Variants in C2CD2 observed in about 807,000 individuals in gnomAD.
C2CD2 encodes C2 domain-containing protein 2.
C2CD2 carries 43 observed loss-of-function variants against 74.3 expected under a neutral mutation model. The ratio of observed to expected loss-of-function variants is 0.58; its 90% CI spans 0.45 to 0.75. The LOEUF is 0.75. Among genes scored for constraint, C2CD2 ranks in the 30% least tolerant of loss-of-function variants. The pLI, the probability that C2CD2 is intolerant of heterozygous loss-of-function variation, is 0.00. For missense variants in C2CD2, 801 were observed against 916.3 expected (o/e 0.87, Z 1.63); for synonymous variants, 422 against 390.7 (o/e 1.08, Z -0.94).
chr21:41,918,860 C>G lies in C2CD2; in HGVS notation c.593G>C (p.Gly198Ala), dbSNP rs765482346. ...CATAAAAACTTACGGACTGACCTCC[C>G]CCAGTGCTTTGGGCTGGATATTAAC... ...MAVNIQPKAL[G>A]EDQVAETSAM... is the part of the protein sequence containing the mutation. Residue 198 changes from glycine (G) to alanine (A), a missense_variant, in exon 4 of 14, where the codon GGG becomes GCG. Transcript: ENST00000380486. 1.2e-6 allele frequency: 2 copies of G among 1,612,680 alleles called. No homozygotes were observed. The highest frequency in any genetic ancestry group is 2.2e-5 in the South Asian group (2 of 91,048).
At chr21:41,947,004 A>T (rs1414667352) in intron 1 of C2CD2, among the ~76,000 whole-genome samples, 1 of 152,158 alleles carries the variant, frequency 6.6e-6, no homozygotes, top group Non-Finnish European at 1.5e-5. Context: ...CTAGAACAAT[A>T]CAAGGAGACA....
chr21:41,914,369 A>G (rs1259313733), intron 6 of C2CD2, among the ~76,000 whole-genome samples: 4 of 151,976 alleles, frequency 2.6e-5, no homozygotes, highest in Non-Finnish European at 4.4e-5. Context: ...GGCCAAACCA[A>G]TTATACTCCT....
chr21:41,920,012 G>A (rs967066492), intron 3 of C2CD2, among the ~76,000 whole-genome samples: 39 of 152,218 alleles, frequency 2.6e-4, no homozygotes, highest in Non-Finnish European at 4.4e-5. Flanking sequence ...GGGTGTGGAC[G>A]TGGAGGAAGG....
chr21:41,924,941 A>G lies in C2CD2; in HGVS notation c.379-2856T>C, dbSNP rs2065193427. On this transcript the variant is annotated intron_variant, in intron 2 of 13. Transcript: ENST00000380486. This position sits in a 1 kb window ranked among gnomAD's most constrained non-coding sequence, Gnocchi z 4.4. ...TAAAAGCAAGCAAATAAATAAGTAA[A>G]TAGATAAAAAGACTTTAAAACTTCT... Among the ~76,000 whole-genome samples the G allele has an allele frequency of 1.3e-5, 2 of 152,186 alleles. No homozygotes were observed. The highest frequency in any genetic ancestry group is 1.3e-4 in the Admixed American group (2 of 15,274).
chr21:41,933,950 C>CGT (rs2065285022), intron 2 of C2CD2, among the ~76,000 whole-genome samples: 1 of 151,988 alleles, frequency 6.6e-6, no homozygotes, highest in Non-Finnish European at 1.5e-5. Flanking sequence ...AACAAGAGTC[C>CGT]GTGTGTGTGT....
intron 3 of C2CD2, among the ~76,000 whole-genome samples, chr21:41,921,544 G>A (rs565671357): frequency 6.6e-6 from 1 of 152,298 alleles, no homozygotes; most frequent in Admixed American, 6.5e-5. Flanking sequence ...TAATAAGGGG[G>A]TTCTTTTTAA....
chr21:41,910,387 T>C (rs750861692), intron 7 of C2CD2, among the ~76,000 whole-genome samples: 10 of 152,186 alleles, frequency 6.6e-5, no homozygotes, highest in African/African-American at 1.7e-4. Flanking sequence ...AAAACTCTAA[T>C]TGCCTGTCAA....
Position 41,918,207 on chromosome 21 carries a change from A to G in C2CD2, c.618T>C (p.Ser206=). The G allele has an allele frequency of 6.2e-7, 1 of 1,614,122 alleles. No homozygotes were observed. The highest frequency in any genetic ancestry group is 1.1e-5 in the South Asian group (1 of 91,084). ...ALGEDQVAET[S]AMSDVLKDIL... The stretch of plus-strand genomic sequence containing the variant: ...TGTCCTTGAGAACGTCAGACATCGC[A>G]CTTGTCTCAGCCACCTGGTCCTGGT... The change falls in exon 5 of 14, where the codon AGT becomes AGC. Residue 206 remains serine, a synonymous_variant. Coordinates refer to ENST00000380486, the MANE Select transcript of C2CD2 (RefSeq NM_015500.2).
intron 13 of C2CD2, among the ~76,000 whole-genome samples, chr21:41,896,098 G>A (rs575146586): frequency 4.6e-5 from 7 of 152,198 alleles, no homozygotes; most frequent in African/African-American, 7.2e-5. Context: ...GGGTAAAGGC[G>A]GAGTTGGGAG....
chr21:41,889,175 C>T lies in C2CD2; in HGVS notation c.2040G>A (p.Arg680=). The T allele has an allele frequency of 6.2e-7, 1 of 1,612,836 alleles. No homozygotes were observed. Among genetic ancestry groups the T allele is most frequent in the African/African-American group, 1.3e-5 (1 of 74,982 alleles). The change falls in exon 14 of 14, where the codon AGG becomes AGA. Residue 680 remains arginine (R), a synonymous_variant. Coordinates refer to ENST00000380486, the MANE Select transcript of C2CD2 (RefSeq NM_015500.2). ...CGTTCATGGTGTTCTTGTTTCTGTG[C>T]CTGGAGAGCAGCTTCTTGTTCAGGA... is the stretch of plus-strand genomic sequence containing the variant. ...TRILNKKLLS[R]HRNKNTMNGA... is the part of the protein sequence containing the mutation.
In C2CD2 at chr21:41,905,964, G is replaced by A. The variant is rs150950254; in HGVS notation, c.1319-127C>T. On this transcript the variant is annotated intron_variant, in intron 10 of 13. Coordinates refer to ENST00000380486, the MANE Select transcript of C2CD2 (RefSeq NM_015500.2). ...GCAGTTGGTAAAGGCAAAGCTTAACGAAAGCTGTTTTGAGGGGAGGAGGGG... is the reference window on the plus strand; with the variant it reads ...GCAGTTGGTAAAGGCAAAGCTTAACAAAAGCTGTTTTGAGGGGAGGAGGGG... 1,233 of 696,128 alleles carry A rather than the reference G, an allele frequency of 1.8e-3. 12 individuals are homozygous for A. In the African/African-American group the frequency reaches 0.02, roughly 11 times the overall value. 43.1% of individuals were successfully genotyped at this position (696,128 alleles called of 1,614,324 possible).
Position 41,905,846 on chromosome 21 carries a change from G to A in C2CD2, c.1319-9C>T, listed in dbSNP as rs370966324. The A allele has an allele frequency of 2.2e-5, 32 of 1,470,594 alleles. No individual in the cohort carries two copies. Among genetic ancestry groups the A allele is most frequent in the Non-Finnish European group, 2.9e-5 (30 of 1,049,068 alleles). The allele number at this position is 1,470,594 out of a possible 1,614,324, so 91.1% of individuals were successfully genotyped here. On this transcript the variant is annotated splice_polypyrimidine_tract_variant and intron_variant, in intron 10 of 13. Transcript: ENST00000380486. ...AGTCTTCACCGGAGAATCTGCCAGAGGAAGATCCTGATTACAAAAGCGGCC... is the reference window on the plus strand; with the variant it reads ...AGTCTTCACCGGAGAATCTGCCAGAAGAAGATCCTGATTACAAAAGCGGCC...
chr21:41,901,464 A>G (rs2064895689), intron 12 of C2CD2, 158 bp downstream of exon 12: 1 of 766,330 alleles, frequency 1.3e-6, no homozygotes, highest in African/African-American at 1.7e-5. Flanking sequence ...AACACCACAC[A>G]TGACTCCTTT....
chr21:41,905,883 T>G, intron 10 of C2CD2, 46 bp from the exon 11 acceptor site: 1 of 1,032,716 alleles, frequency 9.7e-7, no homozygotes, highest in Non-Finnish European at 1.5e-6. Context: ...CGTGGCTGAC[T>G]GGATCAACAG....
rs1367842578 is a variant in C2CD2 at position 41,885,643 on chromosome 21, C to T, written c.*3481G>A. On this transcript the variant is annotated 3_prime_UTR_variant, in exon 14 of 14. Transcript: ENST00000380486. ...TTTCCGTCAGACAGAGATACGTGTCCTGCCTTCCACCATCCACCAATTTGT... is the reference window on the plus strand; with the variant it reads ...TTTCCGTCAGACAGAGATACGTGTCTTGCCTTCCACCATCCACCAATTTGT... The T allele has an allele frequency of 6.6e-6, 1 of 152,566 alleles. No individual in the cohort carries two copies. Among genetic ancestry groups the T allele is most frequent in the Non-Finnish European group, 1.5e-5 (1 of 68,028 alleles). 9.5% of individuals were successfully genotyped at this position (152,566 alleles called of 1,614,324 possible). A position where few individuals can be genotyped will look rare whatever the true frequency, so the allele number is the denominator to read the frequency against.
chr21:41,901,906 GCAA>G (rs2064903617), intron 11 of C2CD2, among the ~76,000 whole-genome samples, 157 bp from the exon 12 acceptor site: 1 of 152,218 alleles, frequency 6.6e-6, no homozygotes, highest in Admixed American at 6.5e-5. Flanking sequence ...GGTGGTCTCT[GCAA>G]CAACTTCTCA....
chr21:41,935,317 G>A (rs1601597253), intron 2 of C2CD2, among the ~76,000 whole-genome samples: 1 of 152,230 alleles, frequency 6.6e-6, no homozygotes, highest in East Asian at 1.9e-4. Context: ...GACTGGCAAT[G>A]CACACCAACA....
chr21:41,928,247 C>T (rs1053172423), intron 2 of C2CD2, among the ~76,000 whole-genome samples: 2 of 152,170 alleles, frequency 1.3e-5, no homozygotes, highest in Non-Finnish European at 2.9e-5. Context: ...GACGAAACCT[C>T]GGGGCCACCA....
chr21:41,901,254 C>T (rs950921563), intron 12 of C2CD2: 4 of 332,124 alleles, frequency 1.2e-5, no homozygotes, highest in Non-Finnish European at 2.3e-5. Context: ...GCTTTGGAAA[C>T]GTGTCACGTG....
Sources: gnomAD v4.1 joint callset for allele counts (sites outside exome capture counted in the v4.1 genomes callset) on GRCh38, gnomAD v4.1.1 for gene constraint, Gnocchi (gnomAD v3.1) non-coding constraint, MANE v1.5 for transcripts, NCBI Gene and HGNC (gene_info 2026-07-23, HGNC 2026-07-21) for gene names.